LPP: variants seen among roughly 807,000 people sequenced by gnomAD.
LPP encodes LIM domain containing preferred translocation partner in lipoma.
In LPP, 38 loss-of-function variants were observed where a neutral mutation model predicts 60.4. That is an observed-to-expected ratio of 0.63 (90% CI 0.49 to 0.83). The LOEUF (loss-of-function observed/expected upper bound fraction) is 0.83, where lower values mean the gene tolerates loss of function less well. LPP is among the 40% of genes least tolerant of loss of function. LPP has a pLI of 0.00. For synonymous variants in LPP, 328 were observed against 290.8 expected (o/e 1.13, Z -1.30); for missense variants, 902 against 783.6 (o/e 1.15, Z -1.80).
At chr3:188,407,782 TTGTTTG>T (rs1783938550) in intron 4 of LPP, among the ~76,000 whole-genome samples, 11 of 60,512 alleles carry the variant, frequency 1.8e-4, no homozygotes, top group African/African-American at 5.5e-4. Context: ...TTTTTTTTGT[TTGTTTG>T]TTTTTTTTTT....
At chr3:188,527,560 C>G (rs1490431880) in intron 6 of LPP, among the ~76,000 whole-genome samples, 1 of 151,970 alleles carries the variant, frequency 6.6e-6, no homozygotes, top group Admixed American at 6.6e-5. Context: ...AGGAAATGAG[C>G]CCAGGTCAGA....
At chr3:188,835,604 G>A (rs1458982042) in intron 9 of LPP, among the ~76,000 whole-genome samples, 1 of 152,034 alleles carries the variant, frequency 6.6e-6, no homozygotes, top group Non-Finnish European at 1.5e-5. Context: ...AGGTGACAGA[G>A]TGAGGCTCCA....
chr3:188,712,882 A>G (rs1712153809), intron 8 of LPP: 1 of 150,502 alleles, frequency 6.6e-6, no homozygotes, highest in East Asian at 1.9e-4. Context: ...CTTCCAAGAC[A>G]CTCTTTTTTT....
At chr3:188,351,998 A>G (rs1578262215) in intron 3 of LPP, among the ~76,000 whole-genome samples, 2 of 150,416 alleles carry the variant, frequency 1.3e-5, no homozygotes, top group South Asian at 4.2e-4. Context: ...ACTACATTTT[A>G]CTCCTGCCTC....
rs1033352328 is a variant in LPP, at chr3:188,326,631, A to G, written c.-66-15032A>G. 2.6e-5 allele frequency among the ~76,000 whole-genome samples: 4 copies of G among 152,236 alleles called. No homozygotes were observed. The East Asian group carries it at 5.8e-4, about 22-fold the overall frequency. ...TGGTTGTACTTAAAGTTGATGAAAT[A>G]AAGTGAAATAAAAGTGACATGATGC... is the stretch of plus-strand genomic sequence containing the variant. On this transcript the variant is annotated intron_variant, in intron 2 of 11. Transcript: ENST00000617246.
In LPP at chr3:188,182,106, T is replaced by C. The variant is rs1725186627; in HGVS notation, c.-190+27854T>C. ...TTAAGTCTAACTCCTCGTGAGTCTT[T>C]CCAGCCTCAGCACATTTCCTGAGTG... On this transcript the variant is annotated intron_variant, in intron 1 of 11. Coordinates refer to ENST00000617246, the MANE Select transcript of LPP (RefSeq NM_001375462.1). This position sits in a 1 kb window ranked among gnomAD's most constrained non-coding sequence, Gnocchi z 4.4. Among the ~76,000 whole-genome samples, 2 of 152,338 alleles carry C rather than the reference T, an allele frequency of 1.3e-5. No individual in the cohort carries two copies. Among genetic ancestry groups the C allele is most frequent in the Middle Eastern group, 3.4e-3 (1 of 294 alleles).
intron 2 of LPP, among the ~76,000 whole-genome samples, chr3:188,315,985 T>C (rs987223081): frequency 6.6e-6 from 1 of 152,212 alleles, no homozygotes; most frequent in Non-Finnish European, 1.5e-5. Flanking sequence ...TTTCTAAAGA[T>C]TAGCCTGTCT....
intron 6 of LPP, among the ~76,000 whole-genome samples, chr3:188,580,635 T>C (rs1253616434): frequency 1.3e-5 from 2 of 152,202 alleles, no homozygotes; most frequent in Admixed American, 6.5e-5. Context: ...GTGGTCTACA[T>C]ATTGGTCTTG....
Position 188,684,000 on chromosome 3 carries a change from T to C in LPP, c.1114-24267T>C, listed in dbSNP as rs186862429. 3.9e-5 allele frequency among the ~76,000 whole-genome samples: 6 copies of C among 152,386 alleles called. No individual in the cohort carries two copies. The East Asian group carries it at 1.2e-3, about 29-fold the overall frequency. On this transcript the variant is annotated intron_variant, in intron 7 of 11. Coordinates refer to ENST00000617246, the MANE Select transcript of LPP (RefSeq NM_001375462.1). ...TCATTTTAATCTCAGGCTATATCTTTACATGAACAAGAGAACTTTGTGTTA... is the reference window on the plus strand; with the variant it reads ...TCATTTTAATCTCAGGCTATATCTTCACATGAACAAGAGAACTTTGTGTTA...
At chr3:188,594,183 C>A (rs1839528156) in intron 6 of LPP, among the ~76,000 whole-genome samples, 1 of 152,084 alleles carries the variant, frequency 6.6e-6, no homozygotes, top group Non-Finnish European at 1.5e-5. Flanking sequence ...CATGGAATAT[C>A]AAGAGGGAGA....
At chr3:188,523,073 A>G (rs528291430) in intron 5 of LPP, among the ~76,000 whole-genome samples, 117 of 151,716 alleles carry the variant, frequency 7.7e-4, no homozygotes, top group Non-Finnish European at 1.1e-3. Flanking sequence ...ACACCCAGCT[A>G]ATTTTTGTAT....
chr3:188,405,843 G>C (rs1783332514), intron 3 of LPP, among the ~76,000 whole-genome samples: 1 of 151,690 alleles, frequency 6.6e-6, no homozygotes, highest in Non-Finnish European at 1.5e-5. Flanking sequence ...AGATATTCAA[G>C]TTTGAGGCAG....
At chr3:188,677,080 A>G (rs1858298022) in intron 7 of LPP, among the ~76,000 whole-genome samples, 1 of 152,090 alleles carries the variant, frequency 6.6e-6, no homozygotes, top group African/African-American at 2.4e-5. Context: ...GCAAACTTGA[A>G]AGCAGATCCT....
rs569702938 is a variant in LPP, at chr3:188,858,635, T to C, written c.1411-7565T>C. Among the ~76,000 whole-genome samples the C allele has an allele frequency of 7.2e-5, 11 of 152,330 alleles. No individual in the cohort carries two copies. In the East Asian group the frequency reaches 2.1e-3, roughly 29 times the overall value. Reference sequence around the variant, plus strand: ...GAACGGCCTAATTGCTGTGATCTTTTTGTTCTTTCTGTTGGCTTTTTCCTT... The same window carrying C: ...GAACGGCCTAATTGCTGTGATCTTTCTGTTCTTTCTGTTGGCTTTTTCCTT... On this transcript the variant is annotated intron_variant, in intron 9 of 11. Coordinates refer to ENST00000617246, the MANE Select transcript of LPP (RefSeq NM_001375462.1).
At chr3:188,185,815 C>T (rs547689229) in intron 1 of LPP, among the ~76,000 whole-genome samples, 2 of 152,272 alleles carry the variant, frequency 1.3e-5, no homozygotes, top group East Asian at 1.9e-4. Context: ...TGTTTACACC[C>T]CTCTCACCTG....
intron 2 of LPP, among the ~76,000 whole-genome samples, chr3:188,244,123 G>A (rs1449048862): frequency 2.0e-5 from 3 of 152,112 alleles, no homozygotes; most frequent in South Asian, 2.1e-4. Context: ...TGCCTGCCTC[G>A]GCCTGCCAAA....
At chr3:188,466,834 T>TATACAG (rs751884604) in intron 4 of LPP, among the ~76,000 whole-genome samples, 2 of 126,154 alleles carry the variant, frequency 1.6e-5, no homozygotes, top group Non-Finnish European at 3.3e-5. Flanking sequence ...TATATATATA[T>TATACAG]ATATATATGC....
rs555106525 is a variant in LPP, at chr3:188,701,379, G to GA, written c.1114-6876dup. Among the ~76,000 whole-genome samples, 494 of 141,250 alleles carry GA rather than the reference G, an allele frequency of 3.5e-3. 6 individuals are homozygous for GA. Among genetic ancestry groups the GA allele is most frequent in the African/African-American group, 9.5e-3 (368 of 38,596 alleles). 92.7% of individuals were successfully genotyped at this position (141,250 alleles called of 152,430 possible). A position where few individuals can be genotyped will look rare whatever the true frequency, so the allele number is the denominator to read the frequency against. ...AACCAGTTTTAGATAATTTTCAGCTGAAAAAAAAAAAATCTTTATTTTAAG... is the reference window on the plus strand; with the variant it reads ...AACCAGTTTTAGATAATTTTCAGCTGAAAAAAAAAAAAATCTTTATTTTAAG... On this transcript the variant is annotated intron_variant, in intron 7 of 11. Coordinates refer to ENST00000617246, the MANE Select transcript of LPP (RefSeq NM_001375462.1).
At chr3:188,447,964 A>G (rs1254552782) in intron 4 of LPP, among the ~76,000 whole-genome samples, 1 of 152,196 alleles carries the variant, frequency 6.6e-6, no homozygotes, top group Non-Finnish European at 1.5e-5. Flanking sequence ...CCAAGCCTCA[A>G]CCACATAGAA....
Sources: allele counts gnomAD v4.1 joint callset (sites outside exome capture counted in the v4.1 genomes callset), GRCh38; gene constraint gnomAD v4.1.1; non-coding constraint Gnocchi (gnomAD v3.1); transcripts MANE v1.5; gene names NCBI Gene and HGNC (gene_info 2026-07-23, HGNC 2026-07-21).